PELI2: variants seen among roughly 807,000 people sequenced by gnomAD.
PELI2 encodes E3 ubiquitin-protein ligase pellino homolog 2.
A neutral mutation model predicts 42.3 loss-of-function variants in PELI2; 23 were observed. The ratio of observed to expected loss-of-function variants is 0.54; its 90% CI spans 0.39 to 0.77. The LOEUF is 0.77. PELI2 is among the 30% of genes least tolerant of loss of function. The pLI is 0.00. For synonymous variants in PELI2, 245 were observed against 212.2 expected, an observed-to-expected ratio of 1.15 and a Z score of -1.34; for missense variants, 463 against 553.2, an observed-to-expected ratio of 0.84 and a Z score of 1.64.
At chr14:56,168,548 C>G (rs113353999) in intron 1 of PELI2, among the ~76,000 whole-genome samples, 20,972 of 152,062 alleles carry the variant, frequency 0.14, 1,589 homozygotes, top group Middle Eastern at 0.17. Context: ...GCTGCCTGGC[C>G]TGGGACTCAC....
At chr14:56,236,150 T>A (rs1401418283) in intron 2 of PELI2, among the ~76,000 whole-genome samples, 2 of 152,242 alleles carry the variant, frequency 1.3e-5, no homozygotes, top group Non-Finnish European at 2.9e-5. Flanking sequence ...TAATTGTTTT[T>A]TAATTTCTAA....
intron 2 of PELI2, among the ~76,000 whole-genome samples, chr14:56,203,688 C>T (rs1013933271): frequency 6.6e-6 from 1 of 152,130 alleles, no homozygotes; most frequent in South Asian, 2.1e-4. Flanking sequence ...TAAGTCTGCC[C>T]TTACTGTGCC....
chr14:56,253,470 A>C (rs930552583), intron 2 of PELI2, among the ~76,000 whole-genome samples: 1 of 152,068 alleles, frequency 6.6e-6, no homozygotes, highest in Admixed American at 6.5e-5. Flanking sequence ...TCAGACCCAA[A>C]CTCCTTAAGG....
Position 56,197,436 on chromosome 14 carries a change from G to A in PELI2, c.207+18972G>A, listed in dbSNP as rs371710211. Reference sequence around the variant, plus strand: ...GAGGGTACAGTCAAGTCTTGTTCATGGGCCTTGGCTTTAATCTGGTTGCAA... The same window carrying A: ...GAGGGTACAGTCAAGTCTTGTTCATAGGCCTTGGCTTTAATCTGGTTGCAA... On this transcript the variant is annotated intron_variant, in intron 2 of 5. Coordinates refer to ENST00000267460, the MANE Select transcript of PELI2 (RefSeq NM_021255.3). This position sits in a 1 kb window ranked among gnomAD's most constrained non-coding sequence, Gnocchi z 4.9. 1.3e-4 allele frequency among the ~76,000 whole-genome samples: 20 copies of A among 152,124 alleles called. No individual in the cohort carries two copies. Among genetic ancestry groups the A allele is most frequent in the African/African-American group, 4.3e-4 (18 of 41,420 alleles).
intron 1 of PELI2, among the ~76,000 whole-genome samples, chr14:56,162,911 C>A (rs1231614243): frequency 6.6e-6 from 1 of 151,728 alleles, no homozygotes; most frequent in Non-Finnish European, 1.5e-5. Context: ...TGAGAAATGT[C>A]TATTTAAATC....
chr14:56,193,622 G>T (rs1479024673), intron 2 of PELI2, among the ~76,000 whole-genome samples: 1 of 152,128 alleles, frequency 6.6e-6, no homozygotes, highest in East Asian at 1.9e-4. Flanking sequence ...AGTGATACAT[G>T]CAACTGAATT....
chr14:56,123,303 A>G (rs1390787377), intron 1 of PELI2, among the ~76,000 whole-genome samples: 2 of 151,900 alleles, frequency 1.3e-5, no homozygotes, highest in Non-Finnish European at 2.9e-5. Flanking sequence ...ATACCCTAAC[A>G]CTTTTCCTTT....
At position 56,197,854 on chromosome 14, in the gene PELI2, C is replaced by T. The variant is rs532104004; in HGVS notation, c.207+19390C>T. 9.2e-5 allele frequency among the ~76,000 whole-genome samples: 14 copies of T among 151,668 alleles called. No individual in the cohort carries two copies. The highest frequency in any genetic ancestry group is 3.9e-4 in the Admixed American group (6 of 15,192). The stretch of plus-strand genomic sequence containing the variant: ...CAGTCTTGGTTCTTTCTGGGGTCTC[C>T]GGCCTGCCTGTGCACACACACACAC... On this transcript the variant is annotated intron_variant, in intron 2 of 5. Transcript: ENST00000267460. The surrounding 1 kb of genome is among the most constrained non-coding windows in gnomAD (Gnocchi z 4.9).
intron 1 of PELI2, among the ~76,000 whole-genome samples, chr14:56,169,524 A>G (rs1885093410): frequency 6.6e-6 from 1 of 152,168 alleles, no homozygotes; most frequent in African/African-American, 2.4e-5. Flanking sequence ...CAGCTCCCAG[A>G]GAAGCTCTTA....
intron 1 of PELI2, among the ~76,000 whole-genome samples, chr14:56,128,457 T>C (rs1883360429): frequency 6.6e-6 from 1 of 152,200 alleles, no homozygotes; most frequent in Non-Finnish European, 1.5e-5. Flanking sequence ...TTAGTGGGAA[T>C]CTGATTAGAA....
chr14:56,212,179 A>G (rs930207546), intron 2 of PELI2, among the ~76,000 whole-genome samples: 1 of 152,362 alleles, frequency 6.6e-6, no homozygotes, highest in South Asian at 2.1e-4. Flanking sequence ...ATGTCTCCAA[A>G]GCCAGCTTGG....
intron 1 of PELI2, among the ~76,000 whole-genome samples, chr14:56,160,717 G>A (rs1413586716): frequency 1.3e-5 from 2 of 152,186 alleles, no homozygotes; most frequent in Non-Finnish European, 2.9e-5. Context: ...TAGACGGGAT[G>A]CCAGTATTTT....
At chr14:56,266,265 T>C (rs1192552721) in intron 2 of PELI2, among the ~76,000 whole-genome samples, 1 of 151,992 alleles carries the variant, frequency 6.6e-6, no homozygotes, top group East Asian at 1.9e-4. Context: ...TTTGTTTGAC[T>C]CTAGAAACTT....
At chr14:56,189,929 A>G (rs74444009) in intron 2 of PELI2, among the ~76,000 whole-genome samples, 2,577 of 152,314 alleles carry the variant, frequency 0.017, 78 homozygotes, top group African/African-American at 0.059. Flanking sequence ...GTCACAGGAG[A>G]ATGTACTTAC....
In PELI2 at chr14:56,279,569, GGC is replaced by G; in HGVS notation, c.208-106_208-105del. The G allele has an allele frequency of 1.1e-5, 6 of 570,354 alleles. No individual in the cohort carries two copies. In the South Asian group the frequency reaches 1.6e-4, roughly 16 times the overall value. 35.3% of individuals were successfully genotyped at this position (570,354 alleles called of 1,614,324 possible). A position where few individuals can be genotyped will look rare whatever the true frequency, so the allele number is the denominator to read the frequency against. On this transcript the variant is annotated intron_variant, in intron 2 of 5. Coordinates refer to ENST00000267460, the MANE Select transcript of PELI2 (RefSeq NM_021255.3). The stretch of plus-strand genomic sequence containing the variant: ...AAAACCTGACTGTGTGGAAAATGCT[GGC>G]TTGTGCTGGGCTTTGCCAGTAGAGT...
intron 2 of PELI2, among the ~76,000 whole-genome samples, chr14:56,237,919 A>G (rs1887852873): frequency 6.6e-6 from 1 of 151,760 alleles, no homozygotes; most frequent in Non-Finnish European, 1.5e-5. Flanking sequence ...GAGCTTTTTC[A>G]TGCATACTGT....
rs1037649132 is a variant in PELI2, at chr14:56,301,521, C to T, written c.*4355C>T. ...TTTAATTAAAGAAATTTCCTTGGTG[C>T]CTATATTACTATTTCTCGTGACATT... On this transcript the variant is annotated 3_prime_UTR_variant, in exon 6 of 6. Coordinates refer to ENST00000267460, the MANE Select transcript of PELI2 (RefSeq NM_021255.3). 1 of 152,062 alleles carries T rather than the reference C, an allele frequency of 6.6e-6. No individual in the cohort carries two copies. Among genetic ancestry groups the T allele is most frequent in the Non-Finnish European group, 1.5e-5 (1 of 68,010 alleles). 9.4% of individuals were successfully genotyped at this position (152,062 alleles called of 1,614,324 possible). A position where few individuals can be genotyped will look rare whatever the true frequency, so the allele number is the denominator to read the frequency against.
chr14:56,276,547 G>A (rs1028195865), intron 2 of PELI2, among the ~76,000 whole-genome samples: 1 of 152,132 alleles, frequency 6.6e-6, no homozygotes, highest in Admixed American at 6.5e-5. Flanking sequence ...GCCAGAACTG[G>A]AAGTGACTTC....
chr14:56,122,337 C>T (rs1401494749), intron 1 of PELI2, among the ~76,000 whole-genome samples: 2 of 152,176 alleles, frequency 1.3e-5, no homozygotes, highest in Non-Finnish European at 2.9e-5. Flanking sequence ...CTTGAGGACA[C>T]AGGCTCCCAG....
Sources: gnomAD v4.1 joint callset for allele counts (sites outside exome capture counted in the v4.1 genomes callset) on GRCh38, gnomAD v4.1.1 for gene constraint, Gnocchi (gnomAD v3.1) non-coding constraint, MANE v1.5 for transcripts, NCBI Gene and HGNC (gene_info 2026-07-23, HGNC 2026-07-21) for gene names.